The following ROCK2 variants were observed in gnomAD, a reference collection of about 807,000 sequenced individuals.
ROCK2 encodes Rho associated coiled-coil containing protein kinase 2, also known as rho-associated protein kinase 2.
In ROCK2, 61 loss-of-function variants were observed where a neutral mutation model predicts 195.1. The observed-to-expected ratio is 0.31, with a 90% CI of 0.25 to 0.39. The LOEUF (loss-of-function observed/expected upper bound fraction) is 0.39. Among genes scored for constraint, ROCK2 ranks in the 10% least tolerant of loss-of-function variants. The probability of loss-of-function intolerance (pLI) is 1.00; values close to 1 mark genes in which losing one functional copy is unlikely to be tolerated. For synonymous variants in ROCK2, 504 were observed against 545.5 expected (o/e 0.92, Z 1.06); for missense variants, 1,109 against 1,637.4 (o/e 0.68, Z 5.57).
At chr2:11,344,899 C>T (rs1428711418), upstream of ROCK2, among the ~76,000 whole-genome samples, 4 of 149,992 alleles carry the variant, frequency 2.7e-5, no homozygotes, top group Admixed American at 1.3e-4. This position sits in a 1 kb window ranked among gnomAD's most constrained non-coding sequence, Gnocchi z 5.4. Context: ...GGAGGGGAGA[C>T]GCACCCAGGC....
At chr2:11,193,365 T>A (rs1288777086) in intron 30 of ROCK2, among the ~76,000 whole-genome samples, 2 of 152,118 alleles carry the variant, frequency 1.3e-5, no homozygotes, top group Non-Finnish European at 2.9e-5. Flanking sequence ...GAATGTGGCT[T>A]CACTTTAAAT....
chr2:11,317,283 T>C (rs1486204723), intron 1 of ROCK2, among the ~76,000 whole-genome samples: 1 of 151,720 alleles, frequency 6.6e-6, no homozygotes, highest in Non-Finnish European at 1.5e-5. Flanking sequence ...AATCAGAAGA[T>C]ACTCAGAGAT....
At chr2:11,249,584 G>T in intron 4 of ROCK2, 77 bp downstream of exon 4, 1 of 1,146,992 alleles carries the variant, frequency 8.7e-7, no homozygotes, top group Non-Finnish European at 1.2e-6. Flanking sequence ...ATAAGACTTG[G>T]CACACAAAAA....
At chr2:11,227,436 T>A in intron 5 of ROCK2, 38 bp from the exon 6 acceptor site, 2 of 1,576,542 alleles carry the variant, frequency 1.3e-6, no homozygotes, top group Non-Finnish European at 1.7e-6. Context: ...AACAGTTCAG[T>A]GTAAAAACAC....
chr2:11,195,865 A>G (rs1663615269), intron 27 of ROCK2, among the ~76,000 whole-genome samples: 1 of 152,232 alleles, frequency 6.6e-6, no homozygotes, highest in South Asian at 2.1e-4. Context: ...AAAATAATCA[A>G]AAGATTTCTA....
chr2:11,205,759 G>C (rs905601569), intron 20 of ROCK2, among the ~76,000 whole-genome samples: 5 of 152,032 alleles, frequency 3.3e-5, no homozygotes, highest in Non-Finnish European at 7.4e-5. Context: ...ACACCTAAGA[G>C]GGATGTAATC....
chr2:11,237,777 T>C (rs1665263522), intron 4 of ROCK2, among the ~76,000 whole-genome samples: 1 of 152,194 alleles, frequency 6.6e-6, no homozygotes, highest in Non-Finnish European at 1.5e-5. Context: ...GAATATAGTT[T>C]GACAAAATGA....
intron 1 of ROCK2, chr2:11,309,071 G>A: frequency 1.5e-6 from 2 of 1,358,642 alleles, no homozygotes; most frequent in African/African-American, 1.5e-5. Context: ...GCCGGAGGGA[G>A]TCCAATGCAA....
chr2:11,330,013 C>T (rs1428157783), intron 1 of ROCK2, among the ~76,000 whole-genome samples: 2 of 152,044 alleles, frequency 1.3e-5, no homozygotes, highest in African/African-American at 4.8e-5. Flanking sequence ...TTTAGAAATG[C>T]TGGAGCATCT....
At chr2:11,325,754 A>G (rs760574496) in intron 1 of ROCK2, among the ~76,000 whole-genome samples, 13 of 152,246 alleles carry the variant, frequency 8.5e-5, no homozygotes, top group Non-Finnish European at 1.8e-4. Flanking sequence ...GCTGGAGAGT[A>G]GAAAATGGAT....
intron 7 of ROCK2, 99 bp downstream of exon 7, chr2:11,224,223 G>T: frequency 8.6e-7 from 1 of 1,158,204 alleles, no homozygotes; most frequent in Non-Finnish European, 1.2e-6. Flanking sequence ...TGGGTAATGA[G>T]AGGCAGACTG....
chr2:11,302,964 G>A (rs1157357922), intron 1 of ROCK2, among the ~76,000 whole-genome samples: 1 of 151,996 alleles, frequency 6.6e-6, no homozygotes. Flanking sequence ...TTTCACCTTG[G>A]TCTTTCTACT....
At chr2:11,183,874 C>A (rs1203354755) in intron 32 of ROCK2, among the ~76,000 whole-genome samples, 1 of 152,142 alleles carries the variant, frequency 6.6e-6, no homozygotes, top group Non-Finnish European at 1.5e-5. Flanking sequence ...AAGATAGGAC[C>A]AACTACATTG....
In ROCK2 at chr2:11,235,195, T is replaced by C. The variant is rs1665159232; in HGVS notation, c.723+507A>G. 6.6e-6 allele frequency among the ~76,000 whole-genome samples: 1 copy of C among 152,168 alleles called. No individual in the cohort carries two copies. Among genetic ancestry groups the C allele is most frequent in the African/African-American group, 2.4e-5 (1 of 41,438 alleles). Reference sequence around the variant, plus strand: ...ATGCCACTGAACCTATCAATCATAATATGAATTGATCAACAGGTAAAGCAT... The same window carrying C: ...ATGCCACTGAACCTATCAATCATAACATGAATTGATCAACAGGTAAAGCAT... On this transcript the variant is annotated intron_variant, in intron 5 of 32. Coordinates refer to ENST00000315872, the MANE Select transcript of ROCK2 (RefSeq NM_004850.5). The surrounding 1 kb of genome is among the most constrained non-coding windows in gnomAD (Gnocchi z 4.2).
At chr2:11,240,956 T>A (rs564223188) in intron 4 of ROCK2, among the ~76,000 whole-genome samples, 8 of 152,044 alleles carry the variant, frequency 5.3e-5, no homozygotes, top group Non-Finnish European at 1.0e-4. Context: ...TCCATCAGAG[T>A]AAAGACAACT....
At chr2:11,331,761 C>T (rs1032122518) in intron 1 of ROCK2, among the ~76,000 whole-genome samples, 1 of 152,122 alleles carries the variant, frequency 6.6e-6, no homozygotes, top group African/African-American at 2.4e-5. Flanking sequence ...CCTGTCTCTG[C>T]TAAAAATACA....
At chr2:11,258,926 A>G (rs1161387105) in intron 3 of ROCK2, among the ~76,000 whole-genome samples, 2 of 150,980 alleles carry the variant, frequency 1.3e-5, no homozygotes, top group Non-Finnish European at 2.9e-5. Flanking sequence ...CTGAGGAGGA[A>G]GAGTTGGATT....
chr2:11,211,712 G>A lies in ROCK2; in HGVS notation c.2172C>T (p.Ser724=), dbSNP rs200234402. ...RLADKNKIYE[S]IEEAKSEAMK... is the part of the protein sequence containing the mutation. ...TGGCTTCTGATTTGGCTTCTTCGAT[G>A]GACTCATAGATCTTATTTTTATCTG... The change falls in exon 18 of 33, where the codon TCC becomes TCT. Residue 724 remains serine, a synonymous_variant. Coordinates refer to ENST00000315872, the MANE Select transcript of ROCK2 (RefSeq NM_004850.5). 4.6e-4 allele frequency: 745 copies of A among 1,609,142 alleles called. No individual in the cohort carries two copies. Among genetic ancestry groups the A allele is most frequent in the Non-Finnish European group, 5.9e-4 (696 of 1,178,056 alleles).
At chr2:11,240,877 C>T (rs1665401027) in intron 4 of ROCK2, among the ~76,000 whole-genome samples, 1 of 152,098 alleles carries the variant, frequency 6.6e-6, no homozygotes, top group African/African-American at 2.4e-5. Context: ...ATTTTGAAAA[C>T]TTAAATGTGC....
Sources: allele counts gnomAD v4.1 joint callset (sites outside exome capture counted in the v4.1 genomes callset), GRCh38; gene constraint gnomAD v4.1.1; non-coding constraint Gnocchi (gnomAD v3.1); transcripts MANE v1.5; gene names NCBI Gene and HGNC (gene_info 2026-07-23, HGNC 2026-07-21).